The following AMOTL1 variants were observed in gnomAD, a reference collection of about 807,000 sequenced individuals.
AMOTL1 encodes the protein angiomotin-like protein 1.
AMOTL1 carries 45 observed loss-of-function variants against 102.9 expected under a neutral mutation model. The observed-to-expected ratio is 0.44, with a 90% CI of 0.34 to 0.56. AMOTL1 has a LOEUF of 0.56. Among genes scored for constraint, AMOTL1 ranks in the 20% least tolerant of loss-of-function variants. The pLI, the probability that AMOTL1 is intolerant of heterozygous loss-of-function variation, is 0.01. For synonymous variants in AMOTL1, 481 were observed against 484.7 expected (o/e 0.99, Z 0.10); for missense variants, 1,114 against 1,225.6 (o/e 0.91, Z 1.36).
At chr11:94,769,935 C>T (rs1262489555) in intron 1 of AMOTL1, among the ~76,000 whole-genome samples, 1 of 152,150 alleles carries the variant, frequency 6.6e-6, no homozygotes, top group Non-Finnish European at 1.5e-5. Flanking sequence ...AAAGCAGTAA[C>T]GTGCTAACCT....
At chr11:94,731,031 GCT>G (rs1950340818) in intron 2 of AMOTL1, among the ~76,000 whole-genome samples, 1 of 152,170 alleles carries the variant, frequency 6.6e-6, no homozygotes, top group Non-Finnish European at 1.5e-5. Flanking sequence ...CCATCTCCAA[GCT>G]CTGTCTTATC....
In AMOTL1 at chr11:94,795,177, G is replaced by A; in HGVS notation, c.199+17G>A. On this transcript the variant is annotated intron_variant, in intron 2 of 12. Coordinates refer to ENST00000433060, the MANE Select transcript of AMOTL1 (RefSeq NM_130847.3). ...AAAAAGTTGGTAAGTCCTTTTACCG[G>A]CACTTGTGTTGGAAAAGCAAAATGA... is the stretch of plus-strand genomic sequence containing the variant. The A allele has an allele frequency of 1.9e-6, 3 of 1,611,832 alleles. No homozygotes were observed. In the Admixed American group the frequency reaches 5.0e-5, roughly 27 times the overall value.
At chr11:94,768,245 GGCCCA>G, upstream of AMOTL1, 2 of 1,197,018 alleles carry the variant, frequency 1.7e-6, no homozygotes, top group Non-Finnish European at 2.1e-6. Context: ...CGGGCTCTAG[GGCCCA>G]GCGGCCGGGC....
rs2135736750 is a variant in AMOTL1 at position 94,864,782 on chromosome 11, G to A, written c.2183G>A (p.Ser728Asn). ...TCACGGAATGGCAGCTACGGAGAGA[G>A]CTCGCTGGAGGCCCACATCTGGCAA... ...NHSRNGSYGE[S>N]SLEAHIWQEE... is the part of the protein sequence containing the mutation. The change falls in exon 10 of 13, where the codon AGC becomes AAC. Residue 728 changes from serine to asparagine, a missense_variant. Coordinates refer to ENST00000433060, the MANE Select transcript of AMOTL1 (RefSeq NM_130847.3). The A allele has an allele frequency of 6.2e-7, 1 of 1,613,872 alleles. No homozygotes were observed. The highest frequency in any genetic ancestry group is 8.5e-7 in the Non-Finnish European group (1 of 1,179,792).
At chr11:94,710,217 G>A (rs938230411) in intron 1 of AMOTL1, among the ~76,000 whole-genome samples, 4 of 152,162 alleles carry the variant, frequency 2.6e-5, no homozygotes, top group Non-Finnish European at 4.4e-5. Flanking sequence ...TCAGGGAACT[G>A]CCCAGAGGTG....
chr11:94,781,072 A>T (rs747775410), intron 1 of AMOTL1, among the ~76,000 whole-genome samples: 10 of 152,040 alleles, frequency 6.6e-5, no homozygotes, highest in Non-Finnish European at 1.3e-4. Context: ...TGGGCAAGTT[A>T]TTGCAATTTC....
At position 94,865,819 on chromosome 11, in the gene AMOTL1, G is replaced by A. The variant is rs181435943; in HGVS notation, c.2262-123G>A. ...GGAGATTATCAACATTTGAAGACTC[G>A]TACTGTGCTTCATCCTGTATCCCTA... On this transcript the variant is annotated intron_variant, in intron 10 of 12. Transcript: ENST00000433060. The A allele has an allele frequency of 9.2e-4, 741 of 806,020 alleles. 1 individual carries two copies. The Middle Eastern group carries it at 9.6e-3, about 10-fold the overall frequency. 49.9% of individuals were successfully genotyped at this position (806,020 alleles called of 1,614,324 possible). A position where few individuals can be genotyped will look rare whatever the true frequency, so the allele number is the denominator to read the frequency against.
chr11:94,729,222 A>G (rs1950308251), intron 2 of AMOTL1, among the ~76,000 whole-genome samples: 1 of 152,212 alleles, frequency 6.6e-6, no homozygotes, highest in Admixed American at 6.5e-5. Context: ...CTGGGTTCAG[A>G]TACCGAATTC....
intron 3 of AMOTL1, among the ~76,000 whole-genome samples, chr11:94,811,708 A>C (rs1388012325): frequency 1.3e-5 from 2 of 152,166 alleles, no homozygotes; most frequent in African/African-American, 4.8e-5. Flanking sequence ...CAACAACAAC[A>C]ACAAAACAGT....
chr11:94,845,699 C>A (rs1007424926), intron 6 of AMOTL1, among the ~76,000 whole-genome samples: 3 of 152,188 alleles, frequency 2.0e-5, no homozygotes, highest in Non-Finnish European at 4.4e-5. Flanking sequence ...GTGCCAAAGT[C>A]AAACCAGGTC....
chr11:94,767,326 A>T (rs1950867007), upstream of AMOTL1, among the ~76,000 whole-genome samples: 2 of 152,180 alleles, frequency 1.3e-5, no homozygotes, highest in Admixed American at 1.3e-4. Context: ...TTTACTCAGT[A>T]GGAGGGCCCA....
chr11:94,742,869 A>G (rs535665076), intron 3 of AMOTL1, among the ~76,000 whole-genome samples: 6 of 152,298 alleles, frequency 3.9e-5, no homozygotes, highest in African/African-American at 1.2e-4. Flanking sequence ...AACATGGCAG[A>G]AAAGGGCCAG....
In AMOTL1 at chr11:94,829,411, C is replaced by G. The variant is rs568161271; in HGVS notation, c.1414-639C>G. Among the ~76,000 whole-genome samples, 5 of 151,976 alleles carry G rather than the reference C, an allele frequency of 3.3e-5. No homozygotes were observed. In the South Asian group the frequency reaches 1.0e-3, roughly 32 times the overall value. ...CTAATATTTGTATTTTTAGTAGAGG[C>G]AAGGTTTCACCATGTTGGCCAGACT... On this transcript the variant is annotated intron_variant, in intron 4 of 12. Coordinates refer to ENST00000433060, the MANE Select transcript of AMOTL1 (RefSeq NM_130847.3).
chr11:94,852,545 C>T (rs1236652875), intron 7 of AMOTL1, among the ~76,000 whole-genome samples: 26 of 152,248 alleles, frequency 1.7e-4, no homozygotes, highest in Admixed American at 1.7e-3. Context: ...AGAATGCTGT[C>T]AGTATGCCCA....
Position 94,850,162 on chromosome 11 carries a change from C to A in AMOTL1, c.1697C>A (p.Ala566Glu). 6.3e-7 allele frequency: 1 copy of A among 1,588,646 alleles called. No homozygotes were observed. Among genetic ancestry groups the A allele is most frequent in the Non-Finnish European group, 8.6e-7 (1 of 1,167,014 alleles). Reference sequence around the variant, plus strand: ...GAGAAATTAGAAATGGAGTTAGCAGCAGTGCGGACTGCAAGTGAGGACCAT... The same window carrying A: ...GAGAAATTAGAAATGGAGTTAGCAGAAGTGCGGACTGCAAGTGAGGACCAT... ...EKEKLEMELA[A>E]VRTASEDHRR... The change falls in exon 7 of 13, where the codon GCA becomes GAA. Residue 566 changes from alanine to glutamate, a missense_variant. By Grantham distance (107) the Ala-to-Glu change is moderately radical (BLOSUM62 -1). Coordinates refer to ENST00000433060, the MANE Select transcript of AMOTL1 (RefSeq NM_130847.3).
chr11:94,771,262 G>T (rs1019781191), intron 1 of AMOTL1, among the ~76,000 whole-genome samples: 1 of 146,536 alleles, frequency 6.8e-6, no homozygotes, highest in African/African-American at 2.5e-5. Context: ...GCGGGGTTGG[G>T]GGGGGGGTGC....
intron 1 of AMOTL1, among the ~76,000 whole-genome samples, chr11:94,717,147 A>G (rs1950110753): frequency 6.6e-6 from 1 of 151,872 alleles, no homozygotes; most frequent in Non-Finnish European, 1.5e-5. Flanking sequence ...TGAAATCCCT[A>G]GCCAGTCAAC....
At chr11:94,719,582 G>GTC (rs1247813570) in intron 1 of AMOTL1, among the ~76,000 whole-genome samples, 1 of 151,774 alleles carries the variant, frequency 6.6e-6, no homozygotes, top group Non-Finnish European at 1.5e-5. Context: ...GTGTGTGTGT[G>GTC]TGTGTGAGAG....
Position 94,864,818 on chromosome 11 carries a change from A to G in AMOTL1, c.2219A>G (p.Glu740Gly). The G allele has an allele frequency of 6.2e-7, 1 of 1,613,534 alleles. No homozygotes were observed. Among genetic ancestry groups the G allele is most frequent in the Non-Finnish European group, 8.5e-7 (1 of 1,179,614 alleles). ...LEAHIWQEEE[E>G]VVQANRRCQD... ...GCCCACATCTGGCAAGAGGAGGAGGAGGTGGTGCAGGCCAACAGAAGGTGT... is the reference window on the plus strand; with the variant it reads ...GCCCACATCTGGCAAGAGGAGGAGGGGGTGGTGCAGGCCAACAGAAGGTGT... The change falls in exon 10 of 13, where the codon GAG becomes GGG. Residue 740 changes from glutamate to glycine, a missense_variant. Physicochemically the swap from Glu to Gly is moderately conservative, Grantham distance 98 (BLOSUM62 -2). Coordinates refer to ENST00000433060, the MANE Select transcript of AMOTL1 (RefSeq NM_130847.3).
Sources: allele counts gnomAD v4.1 joint callset (sites outside exome capture counted in the v4.1 genomes callset), GRCh38; gene constraint gnomAD v4.1.1; transcripts MANE v1.5; gene names NCBI Gene and HGNC (gene_info 2026-07-23, HGNC 2026-07-21).